Variants in MYOM1 observed in about 807,000 individuals in gnomAD.
MYOM1 encodes myomesin 1, also known as myomesin-1.
In MYOM1, 164 loss-of-function variants were observed where a neutral mutation model predicts 205.3. The ratio of observed to expected loss-of-function variants is 0.80; its 90% CI spans 0.70 to 0.91. The LOEUF is 0.91. Ranked by LOEUF, MYOM1 falls within the 40% of genes least tolerant of loss-of-function variation. MYOM1 has a pLI of 0.00. For missense variants in MYOM1, 2,011 were observed against 2,127.3 expected (o/e 0.95, Z 1.08); for synonymous variants, 772 against 789.4 (o/e 0.98, Z 0.37).
intron 34 of MYOM1, among the ~76,000 whole-genome samples, chr18:3,077,817 G>GCAC (rs2079036939): frequency 6.6e-6 from 1 of 152,192 alleles, no homozygotes; most frequent in Middle Eastern, 3.2e-3. Context: ...CTGTGCACTT[G>GCAC]TGATGCAGGC....
intron 21 of MYOM1, among the ~76,000 whole-genome samples, chr18:3,114,575 CA>C (rs2079577570): frequency 1.0e-5 from 1 of 100,488 alleles, no homozygotes; most frequent in African/African-American, 4.2e-5. Context: ...TTTTTAGAGA[CA>C]GGGTTTTGCC....
the MYOM1 span, among the ~76,000 whole-genome samples, chr18:3,242,069 C>G: frequency 9.2e-5 from 14 of 152,262 alleles, no homozygotes; most frequent in African/African-American, 3.4e-4. Flanking sequence ...GTGCAAGGGA[C>G]TTGCCTTGAC....
chr18:3,215,104 G>C lies in MYOM1; in HGVS notation c.120C>G (p.Thr40=), dbSNP rs876657535. 8.7e-6 allele frequency: 14 copies of C among 1,613,832 alleles called. No individual in the cohort carries two copies. The highest frequency in any genetic ancestry group is 1.2e-5 in the Non-Finnish European group (14 of 1,179,862). Reference sequence around the variant, plus strand: ...GGCTGCTGTAGGCCGTGGAGCCCTGGGTGTAGACGGCGGAGCGTTTCTTCT... The same window carrying C: ...GGCTGCTGTAGGCCGTGGAGCCCTGCGTGTAGACGGCGGAGCGTTTCTTCT... ...QREKKRSAVY[T]QGSTAYSSRS... Residue 40 remains threonine, a synonymous_variant, in exon 2 of 38, where the codon ACC becomes ACG. Transcript: ENST00000356443.
chr18:3,177,296 T>C (rs955415630), intron 5 of MYOM1, among the ~76,000 whole-genome samples: 1 of 151,908 alleles, frequency 6.6e-6, no homozygotes, highest in Admixed American at 6.6e-5. Flanking sequence ...AACAAATAAA[T>C]ACATAAATAA....
At chr18:3,197,864 C>T (rs965320050) in intron 2 of MYOM1, among the ~76,000 whole-genome samples, 63 of 151,892 alleles carry the variant, frequency 4.1e-4, no homozygotes, top group African/African-American at 1.3e-3. Flanking sequence ...CAGAGCGAGA[C>T]TCCATCTCAA....
intron 29 of MYOM1, among the ~76,000 whole-genome samples, chr18:3,088,477 G>A (rs994542241): frequency 6.6e-6 from 1 of 152,066 alleles, no homozygotes; most frequent in African/African-American, 2.4e-5. Context: ...GGGCACTTGG[G>A]TTCTGGCTTT....
Position 3,215,050 on chromosome 18 carries a change from G to C in MYOM1, c.174C>G (p.Ser58=), listed in dbSNP as rs561558047. The change falls in exon 2 of 38, where the codon TCC becomes TCG. Residue 58 remains serine (S), a synonymous_variant. Transcript: ENST00000356443. ...SRSSAAHRRE[S]EAFRRASASS... The stretch of plus-strand genomic sequence containing the variant: ...AGGCGGACGCCCGACGGAAGGCCTC[G>C]GACTCCCGGCGGTGCGCGGCGGAGG... The C allele has an allele frequency of 6.2e-7, 1 of 1,613,126 alleles. No homozygotes were observed.
intron 37 of MYOM1, 22 bp downstream of exon 37, chr18:3,071,812 C>T (rs2078961292): frequency 1.3e-6 from 2 of 1,587,694 alleles, no homozygotes; most frequent in Admixed American, 1.8e-5. Flanking sequence ...AAGGAGCAGG[C>T]ACAGGCAGGC....
chr18:3,079,231 C>T lies in MYOM1; in HGVS notation c.4596G>A (p.Glu1532=). ...GATGTCCAGTTTTGCCATCAAAGAG[C>T]TCCATGACATACTTCCCTTTGTCAT... is the stretch of plus-strand genomic sequence containing the variant. The part of the protein sequence containing the change: ...TPNDKGKYVM[E]LFDGKTGHQK... The change falls in exon 34 of 38, where the codon GAG becomes GAA. Residue 1532 remains glutamate, a synonymous_variant. Transcript: ENST00000356443. The T allele has an allele frequency of 6.2e-7, 1 of 1,613,928 alleles. No individual in the cohort carries two copies. Among genetic ancestry groups the T allele is most frequent in the East Asian group, 2.2e-5 (1 of 44,878 alleles).
At chr18:3,234,600 C>T in the MYOM1 span, among the ~76,000 whole-genome samples, 1 of 152,124 alleles carries the variant, frequency 6.6e-6, no homozygotes, top group Non-Finnish European at 1.5e-5. Flanking sequence ...GCGTGCCACA[C>T]CCAGCCCACA....
intron 2 of MYOM1, among the ~76,000 whole-genome samples, chr18:3,210,215 G>A (rs1205076781): frequency 6.6e-6 from 1 of 152,252 alleles, no homozygotes; most frequent in Non-Finnish European, 1.5e-5. Flanking sequence ...TGGGGTAGGA[G>A]ATGGAACAAG....
At chr18:3,088,562 T>C (rs1271317513) in intron 29 of MYOM1, among the ~76,000 whole-genome samples, 2 of 152,170 alleles carry the variant, frequency 1.3e-5, no homozygotes, top group Admixed American at 6.6e-5. Context: ...CAGCAGGACC[T>C]TCACGCTCCA....
intron 25 of MYOM1, among the ~76,000 whole-genome samples, chr18:3,097,696 C>A (rs2079323606): frequency 6.6e-6 from 1 of 152,140 alleles, no homozygotes; most frequent in Non-Finnish European, 1.5e-5. Context: ...CATGAGCCAC[C>A]TTGCCCAGCC....
At position 3,096,453 on chromosome 18, in the gene MYOM1, T is replaced by C. The variant is rs113645758; in HGVS notation, c.3728-2147A>G. On this transcript the variant is annotated intron_variant, in intron 25 of 37. Coordinates refer to ENST00000356443, the MANE Select transcript of MYOM1 (RefSeq NM_003803.4). The stretch of plus-strand genomic sequence containing the variant: ...CTTCTACAACACCCTAGAAACACCA[T>C]TTTTTTTTTTTTTGAGATGGAGTCT... Among the ~76,000 whole-genome samples, 215 of 34,892 alleles carry C rather than the reference T, an allele frequency of 6.2e-3. 1 individual carries two copies. The highest frequency in any genetic ancestry group is 0.018 in the African/African-American group (201 of 11,162). The allele number at this position is 34,892 out of a possible 152,430, so 22.9% of individuals were successfully genotyped here. A position where few individuals can be genotyped will look rare whatever the true frequency, so the allele number is the denominator to read the frequency against.
chr18:3,091,007 C>T (rs529279207), intron 26 of MYOM1, among the ~76,000 whole-genome samples: 60 of 152,106 alleles, frequency 3.9e-4, no homozygotes, highest in African/African-American at 1.3e-3. Context: ...CAAAGCGAGA[C>T]CTTGTCTATA....
At chr18:3,094,372 A>G in intron 25 of MYOM1, 66 bp from the exon 26 acceptor site, 1 of 1,219,010 alleles carries the variant, frequency 8.2e-7, no homozygotes, top group Non-Finnish European at 1.1e-6. Flanking sequence ...CTCATTTTCC[A>G]TCAAGTGAAA....
chr18:3,135,133 A>G lies in MYOM1; in HGVS notation c.2210-309T>C. Reference sequence around the variant, plus strand: ...CCTGGCTAATTTTTGTGTTTTCAGTAGAGATGGGGTTTCACCATGTTGGCC... The same window carrying G: ...CCTGGCTAATTTTTGTGTTTTCAGTGGAGATGGGGTTTCACCATGTTGGCC... On this transcript the variant is annotated intron_variant, in intron 15 of 37. Transcript: ENST00000356443. The surrounding 1 kb of genome is among the most constrained non-coding windows in gnomAD (Gnocchi z 4.1). The G allele has an allele frequency of 3.0e-6, 1 of 338,112 alleles. No individual in the cohort carries two copies. Among genetic ancestry groups the G allele is most frequent in the Non-Finnish European group, 5.6e-6 (1 of 178,536 alleles). The allele number at this position is 338,112 out of a possible 1,614,324, so 20.9% of individuals were successfully genotyped here.
chr18:3,213,656 A>T (rs1489596819), intron 2 of MYOM1, among the ~76,000 whole-genome samples: 1 of 152,244 alleles, frequency 6.6e-6, no homozygotes, highest in Non-Finnish European at 1.5e-5. Context: ...GTGTCATGGT[A>T]ACGTCCTTCT....
Position 3,134,747 on chromosome 18 carries a change from T to C in MYOM1, c.2287A>G (p.Lys763Glu). 1.2e-6 allele frequency: 2 copies of C among 1,613,970 alleles called. No homozygotes were observed. Among genetic ancestry groups the C allele is most frequent in the Non-Finnish European group, 1.7e-6 (2 of 1,179,878 alleles). Residue 763 changes from lysine to glutamate, a missense_variant, in exon 16 of 38, where the codon AAA (lysine) becomes GAA (glutamate). Lys to Glu is a moderately conservative substitution (Grantham distance 56). Transcript: ENST00000356443. ...TACCCGACCAGCTCTTTGGCATCTTTGGACTCCTCCCACGAAACTACCACT... is the reference window on the plus strand; with the variant it reads ...TACCCGACCAGCTCTTTGGCATCTTCGGACTCCTCCCACGAAACTACCACT... ...TSVVVSWEES[K>E]DAKELVGYYI...
Sources: allele counts gnomAD v4.1 joint callset (sites outside exome capture counted in the v4.1 genomes callset), GRCh38; gene constraint gnomAD v4.1.1; non-coding constraint Gnocchi (gnomAD v3.1); transcripts MANE v1.5; gene names NCBI Gene and HGNC (gene_info 2026-07-23, HGNC 2026-07-21).